Variants in AGBL1 observed in about 807,000 individuals in gnomAD.
AGBL1 encodes AGBL carboxypeptidase 1, also known as cytosolic carboxypeptidase 4.
In AGBL1, 130 loss-of-function variants were observed where a neutral mutation model predicts 118.9. The ratio of observed to expected loss-of-function variants is 1.09; its 90% confidence interval spans 0.95 to 1.26. The LOEUF is 1.26. Among genes scored for constraint, AGBL1 ranks in the 50% most tolerant of loss-of-function variants. AGBL1 has a pLI of 0.00. For missense variants in AGBL1, 1,584 were observed against 1,298.1 expected, an observed-to-expected ratio of 1.22 and a Z score of -3.38; for synonymous variants, 555 against 478.9, an observed-to-expected ratio of 1.16 and a Z score of -2.08.
At chr15:86,370,616 G>A (rs1390010054) in intron 17 of AGBL1, among the ~76,000 whole-genome samples, 2 of 152,108 alleles carry the variant, frequency 1.3e-5, no homozygotes, top group Non-Finnish European at 2.9e-5. Flanking sequence ...TTTAACGCCA[G>A]GACAGGTGAT....
intron 3 of AGBL1, among the ~76,000 whole-genome samples, chr15:86,146,201 T>C (rs377276100): frequency 6.6e-6 from 1 of 152,228 alleles, no homozygotes; most frequent in African/African-American, 2.4e-5. Context: ...TCTGCACCCA[T>C]GGATTCAGTT....
chr15:86,935,552 C>G (rs928911289), intron 23 of AGBL1, among the ~76,000 whole-genome samples: 3 of 152,200 alleles, frequency 2.0e-5, no homozygotes, highest in African/African-American at 7.2e-5. Flanking sequence ...CTCTTTCCCT[C>G]TCTAAAAACA....
intron 23 of AGBL1, among the ~76,000 whole-genome samples, chr15:86,944,424 C>T (rs913901333): frequency 6.6e-6 from 1 of 151,984 alleles, no homozygotes; most frequent in Admixed American, 6.6e-5. Flanking sequence ...TCAGGATGGC[C>T]GACCAGCATG....
intron 5 of AGBL1, among the ~76,000 whole-genome samples, chr15:86,196,307 CT>C (rs1451921905): frequency 6.6e-6 from 1 of 152,152 alleles, no homozygotes; most frequent in Non-Finnish European, 1.5e-5. Context: ...TTTTTTCCAT[CT>C]TCGCCTCTGC....
chr15:86,429,745 A>G (rs772256851), intron 18 of AGBL1, among the ~76,000 whole-genome samples: 1 of 152,256 alleles, frequency 6.6e-6, no homozygotes, highest in Non-Finnish European at 1.5e-5. Context: ...GACATATTGT[A>G]TGTGAAATCA....
intron 21 of AGBL1, among the ~76,000 whole-genome samples, chr15:86,650,042 T>C (rs868520119): frequency 6.6e-5 from 10 of 152,318 alleles, no homozygotes; most frequent in South Asian, 2.1e-4. Flanking sequence ...TTCAGCATTC[T>C]TTTATGGACA....
chr15:86,431,125 G>C (rs1431446438), intron 18 of AGBL1, among the ~76,000 whole-genome samples: 2 of 151,940 alleles, frequency 1.3e-5, no homozygotes, highest in African/African-American at 2.4e-5. Flanking sequence ...TTACTGATTG[G>C]CTAACCCTTC....
chr15:86,476,463 A>G lies in AGBL1; in HGVS notation c.2556-46347A>G, dbSNP rs571444621. Among the ~76,000 whole-genome samples, 3 of 152,326 alleles carry G rather than the reference A, an allele frequency of 2.0e-5. No homozygotes were observed. In the South Asian group the frequency reaches 6.2e-4, roughly 32 times the overall value. On this transcript the variant is annotated intron_variant, in intron 18 of 22. Transcript: ENST00000614907. ...CTAATAAAACAGACTTTAAACCAACAAAGATCAAAAGAGACAAAGAAGGCC... is the reference window on the plus strand; with the variant it reads ...CTAATAAAACAGACTTTAAACCAACGAAGATCAAAAGAGACAAAGAAGGCC...
chr15:86,626,482 C>T (rs548266292), intron 21 of AGBL1, among the ~76,000 whole-genome samples: 1 of 152,218 alleles, frequency 6.6e-6, no homozygotes, highest in South Asian at 2.1e-4. Context: ...AGAGGAACAG[C>T]ACACACTGGG....
chr15:87,004,226 C>T (rs2081472583), intron 24 of AGBL1, among the ~76,000 whole-genome samples: 1 of 152,138 alleles, frequency 6.6e-6, no homozygotes, highest in Admixed American at 6.5e-5. Flanking sequence ...GTTATATACC[C>T]AGTAGTCATT....
In AGBL1 at chr15:86,397,381, A is replaced by T. The variant is rs752041792; in HGVS notation, c.2390A>T (p.Gln797Leu). The T allele has an allele frequency of 6.2e-7, 1 of 1,600,074 alleles. No homozygotes were observed. The highest frequency in any genetic ancestry group is 8.5e-7 in the Non-Finnish European group (1 of 1,171,636). Residue 797 changes from glutamine to leucine, a missense_variant, in exon 18 of 23, where the codon CAG becomes CTG. Gln to Leu is a moderately radical substitution (Grantham distance 113, BLOSUM62 -2). Coordinates refer to ENST00000614907, the MANE Select transcript of AGBL1 (RefSeq NM_001386094.1). ...HLEQFRHRPY[Q>L]VITARVHPGE... ...TTTTCTGCAGGACATCGTCCATATC[A>T]GGTGATCACTGCTCGAGTTCATCCA...
chr15:86,958,222 A>G (rs2080952693), intron 23 of AGBL1, among the ~76,000 whole-genome samples: 1 of 148,196 alleles, frequency 6.7e-6, no homozygotes, highest in Non-Finnish European at 1.5e-5. Context: ...AAAAAAAAAA[A>G]AAGAAAAGAA....
chr15:86,796,230 G>C (rs2078568738), intron 22 of AGBL1, among the ~76,000 whole-genome samples: 1 of 152,122 alleles, frequency 6.6e-6, no homozygotes, highest in Non-Finnish European at 1.5e-5. Context: ...CTCACACTGG[G>C]AAAAGTGAAG....
chr15:86,755,097 T>G (rs776024772), intron 22 of AGBL1, among the ~76,000 whole-genome samples: 2 of 152,048 alleles, frequency 1.3e-5, no homozygotes, highest in African/African-American at 2.4e-5. Flanking sequence ...GGAGAAAATA[T>G]TTCCACAATG....
chr15:86,845,631 C>G (rs1214772370), intron 22 of AGBL1, among the ~76,000 whole-genome samples: 1 of 152,158 alleles, frequency 6.6e-6, no homozygotes, highest in Non-Finnish European at 1.5e-5. Flanking sequence ...TCTCAATTAT[C>G]TGAAAGAGTT....
chr15:86,142,382 A>G (rs760670966), intron 2 of AGBL1, among the ~76,000 whole-genome samples: 3 of 152,164 alleles, frequency 2.0e-5, no homozygotes, highest in Non-Finnish European at 4.4e-5. Context: ...GAGTATCAGA[A>G]GCTGCTTTGG....
In AGBL1 at chr15:86,997,397, A is replaced by G. The variant is rs150745251; in HGVS notation, c.3323+9309A>G. Among the ~76,000 whole-genome samples, 230 of 152,152 alleles carry G rather than the reference A, an allele frequency of 1.5e-3. 6 individuals are homozygous for G. The highest frequency in any genetic ancestry group is 5.1e-3 in the African/African-American group (210 of 41,512). ...CTCCCTGAAGTATACTCTCCTTCAA[A>G]TTTCCCCTGGCCCTAAGGAGACTGC... On this transcript the variant is annotated intron_variant, in intron 24 of 24. Transcript: ENST00000441037.
At chr15:86,117,829 A>G (rs1897856692) in intron 1 of AGBL1, among the ~76,000 whole-genome samples, 1 of 152,222 alleles carries the variant, frequency 6.6e-6, no homozygotes, top group Non-Finnish European at 1.5e-5. Context: ...ACAAATTCAC[A>G]TGCCTGAAAT....
At chr15:86,751,093 G>A (rs1596447446) in intron 22 of AGBL1, among the ~76,000 whole-genome samples, 1 of 152,058 alleles carries the variant, frequency 6.6e-6, no homozygotes, top group Admixed American at 6.6e-5. Context: ...TAGTGCTGCA[G>A]TGAACATAAA....
Sources: allele counts gnomAD v4.1 joint callset (sites outside exome capture counted in the v4.1 genomes callset), GRCh38; gene constraint gnomAD v4.1.1; transcripts MANE v1.5; gene names NCBI Gene and HGNC (gene_info 2026-07-23, HGNC 2026-07-21).